The following TSHZ3 variants were observed in gnomAD, a reference collection of about 807,000 sequenced individuals.
The protein encoded by TSHZ3 is teashirt homolog 3.
TSHZ3 carries 10 observed loss-of-function variants against 64.5 expected under a neutral mutation model. The ratio of observed to expected loss-of-function variants is 0.16; its 90% CI spans 0.10 to 0.26. The LOEUF (loss-of-function observed/expected upper bound fraction) is 0.26, where lower values mean the gene tolerates loss of function less well. Among genes scored for constraint, TSHZ3 ranks in the 10% least tolerant of loss-of-function variants. The pLI is 1.00. For synonymous variants in TSHZ3, 608 were observed against 593.1 expected (o/e 1.03, Z -0.36); for missense variants, 1,242 against 1,421.7 (o/e 0.87, Z 2.03).
At chr19:31,179,492 G>T (rs1262601028) in intron 5 of TSHZ3, among the ~76,000 whole-genome samples, 2 of 152,220 alleles carry the variant, frequency 1.3e-5, no homozygotes, top group Non-Finnish European at 2.9e-5. Flanking sequence ...TACAGAGCAG[G>T]GTGGAGGAAG....
At chr19:31,150,316 A>G (rs970796361) in exon 7 of TSHZ3, among the ~76,000 whole-genome samples, 3 of 152,170 alleles carry the variant, frequency 2.0e-5, no homozygotes, top group Non-Finnish European at 4.4e-5. Flanking sequence ...CAGTGGGCAA[A>G]GCGATGCTGA....
In TSHZ3 at chr19:31,276,913, T is replaced by C. The variant is rs1338848663; in HGVS notation, c.2880A>G (p.Thr960=). The change falls in exon 2 of 2, where the codon ACA becomes ACG. Residue 960 remains threonine (T), a synonymous_variant. Transcript: ENST00000240587. ...LANVKYQLRR[T]GGTKFLKNLD... ...AGTTTTTGAGGAACTTTGTTCCACC[T>C]GTCCTTCGAAGCTGGTATTTCACGT... 1.9e-6 allele frequency: 3 copies of C among 1,614,150 alleles called. No homozygotes were observed. Among genetic ancestry groups the C allele is most frequent in the Non-Finnish European group, 2.5e-6 (3 of 1,180,062 alleles).
At chr19:31,217,309 G>A (rs992638822) in intron 4 of TSHZ3, among the ~76,000 whole-genome samples, 1 of 152,126 alleles carries the variant, frequency 6.6e-6, no homozygotes, top group African/African-American at 2.4e-5. Context: ...ACAGGGCAAC[G>A]GGGTGAACGA....
intron 1 of TSHZ3, among the ~76,000 whole-genome samples, chr19:31,243,799 C>T (rs1975727059): frequency 1.3e-5 from 2 of 152,160 alleles, no homozygotes; most frequent in African/African-American, 2.4e-5. Flanking sequence ...CTTATTTAAC[C>T]TCACTGACTC....
intron 1 of TSHZ3, among the ~76,000 whole-genome samples, chr19:31,340,414 T>C (rs1599659779): frequency 9.8e-5 from 8 of 81,894 alleles, no homozygotes; most frequent in Admixed American, 6.4e-4. Flanking sequence ...AAAGCAACAC[T>C]CCCCCTCCCG....
At chr19:31,312,764 C>T (rs11668441) in intron 1 of TSHZ3, among the ~76,000 whole-genome samples, 14,299 of 152,114 alleles carry the variant, frequency 0.094, 795 homozygotes, top group Middle Eastern at 0.33. Context: ...CCTCTGATTG[C>T]TTCAAGGAGA....
At chr19:31,181,477 G>A (rs945129169) in intron 5 of TSHZ3, among the ~76,000 whole-genome samples, 2 of 152,182 alleles carry the variant, frequency 1.3e-5, no homozygotes, top group Non-Finnish European at 2.9e-5. Context: ...CTCTGCAGTA[G>A]CAGTGCTCTG....
intron 1 of TSHZ3, among the ~76,000 whole-genome samples, chr19:31,280,681 C>T (rs1197122127): frequency 1.3e-5 from 2 of 152,222 alleles, no homozygotes; most frequent in Non-Finnish European, 2.9e-5. Flanking sequence ...GTATAAGCTT[C>T]ATGGGCATCC....
At chr19:31,237,473 C>A (rs533637762) in intron 3 of TSHZ3, among the ~76,000 whole-genome samples, 1 of 152,084 alleles carries the variant, frequency 6.6e-6, no homozygotes, top group African/African-American at 2.4e-5. Flanking sequence ...ACCTCTAATA[C>A]TGTTTATTTG....
intron 1 of TSHZ3, among the ~76,000 whole-genome samples, chr19:31,295,703 G>A (rs1976648942): frequency 6.6e-6 from 1 of 151,972 alleles, no homozygotes; most frequent in South Asian, 2.1e-4. Context: ...GTGTTCACCT[G>A]GGGAAAATTC....
chr19:31,172,032 T>C (rs1438786351), intron 5 of TSHZ3, among the ~76,000 whole-genome samples: 1 of 152,156 alleles, frequency 6.6e-6, no homozygotes, highest in Non-Finnish European at 1.5e-5. Flanking sequence ...ATACTGGTCC[T>C]TCAAGAGACA....
At position 31,224,018 on chromosome 19, in the gene TSHZ3, T is replaced by C. The variant is rs532521476; in HGVS notation, n.686+3987A>G. ...CAACCAGGCCTTTGGACACAGGAAGTAGAAGCAAGGTGATGAAAAATGAAA... is the reference window on the plus strand; with the variant it reads ...CAACCAGGCCTTTGGACACAGGAAGCAGAAGCAAGGTGATGAAAAATGAAA... On this transcript the variant is annotated intron_variant and non_coding_transcript_variant, in intron 4 of 6. Coordinates refer to the TSHZ3 transcript ENST00000651361. Among the ~76,000 whole-genome samples the C allele has an allele frequency of 5.9e-5, 9 of 152,270 alleles. 1 individual carries two copies. Among genetic ancestry groups the C allele is most frequent in the African/African-American group, 2.2e-4 (9 of 41,528 alleles).
At chr19:31,252,453 C>T (rs1048793424) in intron 1 of TSHZ3, among the ~76,000 whole-genome samples, 2 of 152,154 alleles carry the variant, frequency 1.3e-5, no homozygotes, top group Admixed American at 1.3e-4. Context: ...GGTTTGGCTC[C>T]ATGTCCCTAA....
At chr19:31,249,209 T>C (rs1190716500) in intron 1 of TSHZ3, among the ~76,000 whole-genome samples, 2 of 152,180 alleles carry the variant, frequency 1.3e-5, no homozygotes. Context: ...TGAATAAAGT[T>C]CCAGGGCTCC....
chr19:31,213,581 G>A (rs1975289528), intron 4 of TSHZ3, among the ~76,000 whole-genome samples: 1 of 152,088 alleles, frequency 6.6e-6, no homozygotes, highest in Admixed American at 6.6e-5. Context: ...GTGATGATGG[G>A]TCAATGTAGG....
At chr19:31,346,750 G>GA (rs915519418) in intron 1 of TSHZ3, among the ~76,000 whole-genome samples, 2 of 147,526 alleles carry the variant, frequency 1.4e-5, no homozygotes, top group Non-Finnish European at 3.0e-5. Context: ...AAAAAGAGGA[G>GA]AAAAAAATGG....
chr19:31,229,256 G>C (rs188659133), intron 3 of TSHZ3, among the ~76,000 whole-genome samples: 274 of 152,238 alleles, frequency 1.8e-3, no homozygotes, highest in African/African-American at 6.4e-3. Context: ...ATCAAGTAAA[G>C]TTTGACCAAA....
intron 1 of TSHZ3, among the ~76,000 whole-genome samples, chr19:31,312,064 C>T (rs374440351): frequency 6.6e-6 from 1 of 152,194 alleles, no homozygotes; most frequent in Non-Finnish European, 1.5e-5. Flanking sequence ...CATGTCATGG[C>T]CTTTGAGTCT....
intron 5 of TSHZ3, among the ~76,000 whole-genome samples, chr19:31,180,780 C>T (rs1284755762): frequency 1.3e-5 from 2 of 152,196 alleles, no homozygotes; most frequent in Non-Finnish European, 2.9e-5. Flanking sequence ...TTTATGATAA[C>T]CGCCATCAGG....
Sources: gnomAD v4.1 joint callset for allele counts (sites outside exome capture counted in the v4.1 genomes callset) on GRCh38, gnomAD v4.1.1 for gene constraint, MANE v1.5 for transcripts, NCBI Gene and HGNC (gene_info 2026-07-23, HGNC 2026-07-21) for gene names.